WDR48: variants seen among roughly 807,000 people sequenced by gnomAD.
The protein encoded by WDR48 is WD repeat domain 48.
WDR48 carries 22 observed loss-of-function variants against 94.0 expected under a neutral mutation model. The observed-to-expected ratio is 0.23, with a 90% CI of 0.17 to 0.33. WDR48 has a LOEUF of 0.33. WDR48 is among the 10% of genes least tolerant of loss of function. The pLI is 1.00. For missense variants in WDR48, 541 were observed against 813.8 expected, an observed-to-expected ratio of 0.66 and a Z score of 4.08; for synonymous variants, 278 against 280.5, an observed-to-expected ratio of 0.99 and a Z score of 0.09.
At chr3:39,059,324 T>A (rs1421553327) in intron 1 of WDR48, among the ~76,000 whole-genome samples, 2 of 152,220 alleles carry the variant, frequency 1.3e-5, no homozygotes, top group East Asian at 3.9e-4. Flanking sequence ...GGTACTGGGA[T>A]GGGAAAGAGC....
At position 39,084,053 on chromosome 3, in the gene WDR48, ACTT is replaced by A. The variant is rs1365235481; in HGVS notation, c.1174-101_1174-99del. 5 of 758,780 alleles carry A rather than the reference ACTT, an allele frequency of 6.6e-6. No individual in the cohort carries two copies. In the African/African-American group the frequency reaches 8.7e-5, roughly 13 times the overall value. The allele number at this position is 758,780 out of a possible 1,614,324, so 47.0% of individuals were successfully genotyped here. The stretch of plus-strand genomic sequence containing the variant: ...TTTGAAATGTATTTTAGACTGTTTC[ACTT>A]AGACACATGTGAAAATATGTAAAAT... On this transcript the variant is annotated intron_variant, in intron 11 of 18. Transcript: ENST00000302313.
chr3:39,074,991 G>T (rs1415177447), intron 8 of WDR48, 41 bp downstream of exon 8: 3 of 1,583,922 alleles, frequency 1.9e-6, no homozygotes, highest in Middle Eastern at 3.6e-4. Context: ...AATTAAGGTT[G>T]TTACATGTGT....
At position 39,087,954 on chromosome 3, in the gene WDR48, T is replaced by C; in HGVS notation, c.1475-174T>C. 3 of 597,774 alleles carry C rather than the reference T, an allele frequency of 5.0e-6. No individual in the cohort carries two copies. The South Asian group carries it at 6.3e-5, about 13-fold the overall frequency. The allele number at this position is 597,774 out of a possible 1,614,324, so 37.0% of individuals were successfully genotyped here. ...CCATGAAATAGACCACAAGTTGCTG[T>C]GTTTCTTATTTTCAGAAATTTAACT... is the stretch of plus-strand genomic sequence containing the variant. On this transcript the variant is annotated intron_variant, in intron 14 of 18. Transcript: ENST00000302313.
At chr3:39,086,578 T>G (rs2034820855) in intron 14 of WDR48, among the ~76,000 whole-genome samples, 1 of 152,194 alleles carries the variant, frequency 6.6e-6, no homozygotes, top group Non-Finnish European at 1.5e-5. Context: ...CTTTGATCCC[T>G]GTCAGAATTG....
intron 1 of WDR48, among the ~76,000 whole-genome samples, chr3:39,052,882 C>G (rs1026752220): frequency 1.3e-5 from 2 of 151,844 alleles, no homozygotes; most frequent in Non-Finnish European, 2.9e-5. Context: ...GGGCTGGGGG[C>G]GCTAGGGGAG....
At chr3:39,077,056 G>C in intron 8 of WDR48, 83 bp from the exon 9 acceptor site, 1 of 1,466,436 alleles carries the variant, frequency 6.8e-7, no homozygotes, top group Non-Finnish European at 9.5e-7. Context: ...GAATGAAGGA[G>C]TTGATATTAA....
Position 39,065,813 on chromosome 3 carries a change from A to G in WDR48, c.192A>G (p.Gln64=). ...IRIWSVNQHK[Q]DPYIASMEHH... ...TAGGATTTTTCTTTTAATTTCAGCA[A>G]GATCCATATATAGCATCTATGGAAC... The change falls in exon 3 of 19, where the codon CAA becomes CAG. Residue 64 remains glutamine (Q), a splice_region_variant and synonymous_variant. Coordinates refer to ENST00000302313, the MANE Select transcript of WDR48 (RefSeq NM_020839.4). 6.3e-7 allele frequency: 1 copy of G among 1,595,816 alleles called. No homozygotes were observed. The highest frequency in any genetic ancestry group is 1.1e-5 in the South Asian group (1 of 87,004).
In WDR48 at chr3:39,094,956, T is replaced by C; in HGVS notation, c.*213T>C. 1.6e-6 allele frequency: 1 copy of C among 631,370 alleles called. No homozygotes were observed. The highest frequency in any genetic ancestry group is 2.7e-6 in the Non-Finnish European group (1 of 375,732). The allele number at this position is 631,370 out of a possible 1,614,324, so 39.1% of individuals were successfully genotyped here. A position where few individuals can be genotyped will look rare whatever the true frequency, so the allele number is the denominator to read the frequency against. ...TTAAGCTGTCCCCAGGGAAGCAGAG[T>C]GCAAGAGCAGAAGAGCCCCAAGCAG... On this transcript the variant is annotated 3_prime_UTR_variant, in exon 19 of 19. Transcript: ENST00000302313.
At chr3:39,073,998 C>CTT (rs1197898798) in intron 7 of WDR48, among the ~76,000 whole-genome samples, 6 of 152,198 alleles carry the variant, frequency 3.9e-5, no homozygotes, top group Non-Finnish European at 7.3e-5. Context: ...CCTGTTAAAG[C>CTT]ACCAGTTGCT....
intron 18 of WDR48, chr3:39,094,381 T>G (rs573328635): frequency 3.7e-5 from 55 of 1,469,472 alleles, no homozygotes; most frequent in African/African-American, 1.8e-4. Flanking sequence ...GGCAGAACTG[T>G]TTTTTAAATC....
chr3:39,078,348 CA>C, intron 10 of WDR48, 109 bp downstream of exon 10: 1 of 755,632 alleles, frequency 1.3e-6, no homozygotes, highest in Non-Finnish European at 2.2e-6. Context: ...CTGATGTAAA[CA>C]AAAGATAATA....
chr3:39,084,889 A>G (rs538092424), intron 13 of WDR48, 148 bp downstream of exon 13: 1 of 585,724 alleles, frequency 1.7e-6, no homozygotes, highest in Non-Finnish European at 2.9e-6. Flanking sequence ...TACCTAATGT[A>G]TACAAATCAT....
intron 1 of WDR48, among the ~76,000 whole-genome samples, chr3:39,061,801 A>C (rs2033281760): frequency 6.6e-6 from 1 of 152,090 alleles, no homozygotes; most frequent in African/African-American, 2.4e-5. Flanking sequence ...TCTAACTGGC[A>C]TGAGATGGTA....
rs533299181 is a variant in WDR48, at chr3:39,091,796, T to C, written c.1745+95T>C. ...TATAGCAAAGGAAGCAAATACCAGA[T>C]CTAAGGCTGATTTTATAATATTCAA... On this transcript the variant is annotated intron_variant, in intron 17 of 18. Coordinates refer to ENST00000302313, the MANE Select transcript of WDR48 (RefSeq NM_020839.4). The C allele has an allele frequency of 1.8e-4, 189 of 1,048,302 alleles. 1 individual carries two copies. The African/African-American group carries it at 2.4e-3, about 13-fold the overall frequency. The allele number at this position is 1,048,302 out of a possible 1,614,324, so 64.9% of individuals were successfully genotyped here.
Position 39,088,177 on chromosome 3 carries a change from A to G in WDR48, c.1524A>G (p.Gln508=), listed in dbSNP as rs898424099. 3 of 1,614,210 alleles carry G rather than the reference A, an allele frequency of 1.9e-6. No individual in the cohort carries two copies. The highest frequency in any genetic ancestry group is 1.3e-5 in the African/African-American group (1 of 75,054). The change falls in exon 15 of 19, where the codon CAA becomes CAG. Residue 508 remains glutamine, a synonymous_variant. Coordinates refer to ENST00000302313, the MANE Select transcript of WDR48 (RefSeq NM_020839.4). ...NRVQKGNGYF[Q]VPPHTPVIFG... ...TGCAGAAGGGAAATGGATATTTTCAAGTGCCCCCACATACACCCGTGATCT... is the reference window on the plus strand; with the variant it reads ...TGCAGAAGGGAAATGGATATTTTCAGGTGCCCCCACATACACCCGTGATCT...
chr3:39,052,291 C>T (rs902570434), intron 1 of WDR48: 3 of 552,766 alleles, frequency 5.4e-6, no homozygotes, highest in Non-Finnish European at 9.6e-6. Flanking sequence ...CCGGGACCCT[C>T]GTGGGCGGCA....
intron 16 of WDR48, chr3:39,089,546 A>T (rs923778568): frequency 4.4e-5 from 13 of 293,050 alleles, no homozygotes; most frequent in Non-Finnish European, 7.5e-5. Context: ...TATTCAACAA[A>T]ATAATAAATG....
At chr3:39,068,636 T>C (rs1486535233) in intron 5 of WDR48, 135 bp from the exon 6 acceptor site, 1 of 577,980 alleles carries the variant, frequency 1.7e-6, no homozygotes, top group Non-Finnish European at 3.2e-6. Flanking sequence ...TTATCTCCAT[T>C]ATAGGTAGAT....
chr3:39,076,369 A>C (rs1036033121), intron 8 of WDR48, among the ~76,000 whole-genome samples: 1 of 152,244 alleles, frequency 6.6e-6, no homozygotes, highest in Admixed American at 6.5e-5. Flanking sequence ...TGGGGAGACA[A>C]ACTTGGAGGA....
Sources: allele counts gnomAD v4.1 joint callset (sites outside exome capture counted in the v4.1 genomes callset), GRCh38; gene constraint gnomAD v4.1.1; transcripts MANE v1.5; gene names NCBI Gene and HGNC (gene_info 2026-07-23, HGNC 2026-07-21).